The following CC2D1B variants were observed in gnomAD, a reference collection of about 807,000 sequenced individuals.
CC2D1B encodes coiled-coil and C2 domain containing 1B, also known as coiled-coil and C2 domain-containing protein 1B.
Under a neutral mutation model 110.8 loss-of-function variants are expected in CC2D1B, and 92 were observed. The ratio of observed to expected loss-of-function variants is 0.83; its 90% CI spans 0.70 to 0.99. CC2D1B has a LOEUF of 0.99. Among genes scored for constraint, CC2D1B ranks in the 50% least tolerant of loss-of-function variants. The probability of loss-of-function intolerance (pLI) is 0.00; values close to 1 mark genes in which losing one functional copy is unlikely to be tolerated. For missense variants in CC2D1B, 1,136 were observed against 1,089.0 expected, an observed-to-expected ratio of 1.04 and a Z score of -0.61; for synonymous variants, 406 against 429.2, an observed-to-expected ratio of 0.95 and a Z score of 0.67.
chr1:52,353,564 C>CT lies in CC2D1B; in HGVS notation c.2513dup (p.Met839AspfsTer4). The CT allele has an allele frequency of 6.2e-7, 1 of 1,614,132 alleles. No homozygotes were observed. The highest frequency in any genetic ancestry group is 2.2e-5 in the East Asian group (1 of 44,878). The stretch of plus-strand genomic sequence containing the variant: ...GAACCAGCCAGTTCTCAGTGACCAT[C>CT]TGCACATCCTGGCCACTCAGAGGCT... On this transcript the variant is annotated frameshift_variant, in exon 24 of 25. Coordinates refer to ENST00000284376, the MANE Select transcript of CC2D1B (RefSeq NM_001330585.2). LOFTEE classifies it high-confidence loss of function.
Position 52,359,691 on chromosome 1 carries a change from G to A in CC2D1B, c.942+14C>T. ...TATAAAATGAGGGTGGGTGCCCTGA[G>A]CCAGATGCCATACCTTCCCAATCCT... On this transcript the variant is annotated intron_variant, in intron 8 of 24. Coordinates refer to ENST00000284376, the MANE Select transcript of CC2D1B (RefSeq NM_001330585.2). 6.3e-7 allele frequency: 1 copy of A among 1,583,518 alleles called. No homozygotes were observed. The highest frequency in any genetic ancestry group is 8.6e-7 in the Non-Finnish European group (1 of 1,164,294).
intron 18 of CC2D1B, 59 bp from the exon 19 acceptor site, chr1:52,355,903 TCCC>T: frequency 1.3e-6 from 2 of 1,563,586 alleles, no homozygotes; most frequent in Admixed American, 3.3e-5. Context: ...TGGAACAAGG[TCCC>T]TTCGTCCAGG....
At chr1:52,362,865 A>C in intron 2 of CC2D1B, 119 bp from the exon 3 acceptor site, 1 of 1,001,322 alleles carries the variant, frequency 1.0e-6, no homozygotes, top group South Asian at 1.6e-5. Context: ...GTGAGGCCCA[A>C]TGTGCAGAAA....
chr1:52,357,480 C>T (rs1209662436), intron 15 of CC2D1B, 46 bp downstream of exon 15: 8 of 1,533,370 alleles, frequency 5.2e-6, no homozygotes, highest in African/African-American at 1.4e-5. Flanking sequence ...CTGCCAGCCG[C>T]CACCTCCGCC....
intron 5 of CC2D1B, 150 bp from the exon 6 acceptor site, chr1:52,360,699 T>G: frequency 8.2e-7 from 1 of 1,224,598 alleles, no homozygotes; most frequent in Non-Finnish European, 1.1e-6. Context: ...AAAGGCTCAC[T>G]GGAGAGGCCA....
intron 1 of CC2D1B, 22 bp downstream of exon 1, chr1:52,366,047 G>C (rs1207056879): frequency 2.6e-5 from 4 of 152,310 alleles, no homozygotes; most frequent in African/African-American, 9.7e-5. Flanking sequence ...TCCCCACGCC[G>C]AGGGGCGGGG....
intron 18 of CC2D1B, 47 bp from the exon 19 acceptor site, chr1:52,355,891 A>AGT: frequency 6.3e-7 from 1 of 1,589,096 alleles, no homozygotes; most frequent in Non-Finnish European, 8.6e-7. Flanking sequence ...GAAGGACAGT[A>AGT]GTGGAACAAG....
In CC2D1B at chr1:52,352,581, T is replaced by TCTTGGGTGGGTAGACCAAAC. The variant is rs1553139476; in HGVS notation, c.*624_*643dup. On this transcript the variant is annotated 3_prime_UTR_variant, in exon 25 of 25. Coordinates refer to ENST00000284376, the MANE Select transcript of CC2D1B (RefSeq NM_001330585.2). ...TTTTCTTCCAGTTAACAGTCTTTTCTCTTGGGTGGGTAGACCAAACCCAAG... is the reference window on the plus strand; with the variant it reads ...TTTTCTTCCAGTTAACAGTCTTTTCTCTTGGGTGGGTAGACCAAACCTTGGGTGGGTAGACCAAACCCAAG... 2 of 152,644 alleles carry TCTTGGGTGGGTAGACCAAAC rather than the reference T, an allele frequency of 1.3e-5. No individual in the cohort carries two copies. Among genetic ancestry groups the TCTTGGGTGGGTAGACCAAAC allele is most frequent in the Non-Finnish European group, 2.9e-5 (2 of 68,040 alleles). 9.5% of individuals were successfully genotyped at this position (152,644 alleles called of 1,614,324 possible). A position where few individuals can be genotyped will look rare whatever the true frequency, so the allele number is the denominator to read the frequency against.
chr1:52,364,204 T>C (rs1646839816), intron 2 of CC2D1B, among the ~76,000 whole-genome samples: 1 of 152,200 alleles, frequency 6.6e-6, no homozygotes, highest in Admixed American at 6.5e-5. Flanking sequence ...GTTCTTCCAC[T>C]TGGGGCACAG....
rs1646527177 is a variant in CC2D1B, at chr1:52,351,291, T to A, written c.*1934A>T. On this transcript the variant is annotated 3_prime_UTR_variant, in exon 25 of 25. Coordinates refer to ENST00000284376, the MANE Select transcript of CC2D1B (RefSeq NM_001330585.2). ...CTTTAGAGCTATAGAAAACTTTCTA[T>A]CTATCGAAATAGGCCATTTCCAACA... The A allele has an allele frequency of 6.6e-6, 1 of 152,182 alleles. No individual in the cohort carries two copies. The highest frequency in any genetic ancestry group is 2.1e-4 in the South Asian group (1 of 4,832). The allele number at this position is 152,182 out of a possible 1,614,324, so 9.4% of individuals were successfully genotyped here.
In CC2D1B at chr1:52,351,034, A is replaced by G. The variant is rs539560074; in HGVS notation, c.*2191T>C. The G allele has an allele frequency of 2.0e-5, 3 of 152,384 alleles. No individual in the cohort carries two copies. Among genetic ancestry groups the G allele is most frequent in the African/African-American group, 7.2e-5 (3 of 41,590 alleles). 9.4% of individuals were successfully genotyped at this position (152,384 alleles called of 1,614,324 possible). A position where few individuals can be genotyped will look rare whatever the true frequency, so the allele number is the denominator to read the frequency against. On this transcript the variant is annotated 3_prime_UTR_variant, in exon 25 of 25. Coordinates refer to ENST00000284376, the MANE Select transcript of CC2D1B (RefSeq NM_001330585.2). ...AGTGGTGGGATTACAGGCGTGAGCCACTGTGTCCCGCCTGTTTCCTGTATG... is the reference window on the plus strand; with the variant it reads ...AGTGGTGGGATTACAGGCGTGAGCCGCTGTGTCCCGCCTGTTTCCTGTATG...
At chr1:52,353,913 A>ACTT (rs750910682) in intron 23 of CC2D1B, 11 of 348,698 alleles carry the variant, frequency 3.2e-5, no homozygotes, top group African/African-American at 8.3e-5. Flanking sequence ...CCCCACGGCA[A>ACTT]CTTCTGGAAG....
chr1:52,353,384 C>T, intron 24 of CC2D1B, 134 bp downstream of exon 24: 4 of 1,518,362 alleles, frequency 2.6e-6, no homozygotes, highest in East Asian at 2.3e-5. Flanking sequence ...AAACTCAGCC[C>T]ATAAGCCCTA....
chr1:52,358,468 G>A lies in CC2D1B; in HGVS notation c.1331-7C>T, dbSNP rs1646703249. 6.2e-7 allele frequency: 1 copy of A among 1,613,296 alleles called. No homozygotes were observed. Among genetic ancestry groups the A allele is most frequent in the Non-Finnish European group, 8.5e-7 (1 of 1,179,936 alleles). ...CCAGGGATGGGGGGAAATCCTGTGG[G>A]AGAGAGACAGCATGGGAGGGGCAGG... On this transcript the variant is annotated splice_polypyrimidine_tract_variant and splice_region_variant and intron_variant, in intron 12 of 24. Coordinates refer to ENST00000284376, the MANE Select transcript of CC2D1B (RefSeq NM_001330585.2).
Position 52,361,520 on chromosome 1 carries a change from T to C in CC2D1B, c.311A>G (p.Glu104Gly). ...CCAGCCTGGCAGACACACCAGCAGC[T>C]CTGCATCTTCCTCCAGCCCTTCCTC... ...EEEEGLEEDAELLTELQEVLG... is the reference protein window; with the variant it reads ...EEEEGLEEDAGLLTELQEVLG... Residue 104 changes from glutamate (E) to glycine (G), a missense_variant, in exon 4 of 25, where the codon GAG becomes GGG. Transcript: ENST00000284376. 1 of 1,613,850 alleles carries C rather than the reference T, an allele frequency of 6.2e-7. No individual in the cohort carries two copies. Among genetic ancestry groups the C allele is most frequent in the African/African-American group, 1.3e-5 (1 of 74,982 alleles).
chr1:52,361,543 C>G lies in CC2D1B; in HGVS notation c.288G>C (p.Glu96Asp), dbSNP rs772004819. The part of the protein sequence containing the change: ...CMRDVEEEEE[E>D]EGLEEDAELL... The stretch of plus-strand genomic sequence containing the variant: ...GCTCTGCATCTTCCTCCAGCCCTTC[C>G]TCCTCCTCCTCCTCCTCCACATCCC... Residue 96 changes from glutamate to aspartate, a missense_variant, in exon 4 of 25, where the codon GAG becomes GAC. Glu to Asp is a conservative substitution (Grantham distance 45, BLOSUM62 2). Coordinates refer to ENST00000284376, the MANE Select transcript of CC2D1B (RefSeq NM_001330585.2). The G allele has an allele frequency of 7.0e-7, 1 of 1,420,844 alleles. No homozygotes were observed. The highest frequency in any genetic ancestry group is 2.0e-5 in the Admixed American group (1 of 51,014). 88.0% of individuals were successfully genotyped at this position (1,420,844 alleles called of 1,614,324 possible).
rs368868544 is a variant in CC2D1B at position 52,358,481 on chromosome 1, T to TGGGAGGG, written c.1331-27_1331-21dup. ...GAAATCCTGTGGGAGAGAGACAGCA[T>TGGGAGGG]GGGAGGGGCAGGGAGCAGCCTCAGA... On this transcript the variant is annotated intron_variant, in intron 12 of 24. Transcript: ENST00000284376. 1,674 of 1,612,560 alleles carry TGGGAGGG rather than the reference T, an allele frequency of 1.0e-3. 22 individuals carry two copies. In the African/African-American group the frequency reaches 0.019, roughly 18 times the overall value.
chr1:52,360,898 C>T, intron 5 of CC2D1B, 76 bp downstream of exon 5: 2 of 1,540,462 alleles, frequency 1.3e-6, no homozygotes, highest in African/African-American at 1.4e-5. Flanking sequence ...CCTTGCTGTG[C>T]AGGCCAGGCC....
intron 11 of CC2D1B, 115 bp from the exon 12 acceptor site, chr1:52,358,873 G>C: frequency 1.4e-6 from 2 of 1,428,886 alleles, no homozygotes; most frequent in Non-Finnish European, 1.9e-6. Flanking sequence ...AGCAGCCCTG[G>C]GAGAAAAAAA....
Sources: gnomAD v4.1 joint callset for allele counts (sites outside exome capture counted in the v4.1 genomes callset) on GRCh38, gnomAD v4.1.1 for gene constraint, MANE v1.5 for transcripts, NCBI Gene and HGNC (gene_info 2026-07-23, HGNC 2026-07-21) for gene names.